The following CHAF1A variants were observed in gnomAD, a reference collection of about 807,000 sequenced individuals.
CHAF1A encodes chromatin assembly factor 1 subunit A.
In CHAF1A, 5 loss-of-function variants were observed where a neutral mutation model predicts 93.2. That is an observed-to-expected ratio of 0.05 (90% CI 0.03 to 0.11). The LOEUF is 0.11. Among genes scored for constraint, CHAF1A ranks in the 10% least tolerant of loss-of-function variants. The pLI is 1.00. For missense variants in CHAF1A, 1,102 were observed against 1,259.9 expected, an observed-to-expected ratio of 0.87 and a Z score of 1.90; for synonymous variants, 504 against 510.3, an observed-to-expected ratio of 0.99 and a Z score of 0.17.
chr19:4,444,213 C>T (rs138019048), downstream of CHAF1A, among the ~76,000 whole-genome samples: 226 of 152,258 alleles, frequency 1.5e-3, 2 homozygotes, highest in African/African-American at 5.0e-3. Context: ...GTGCCGGGGG[C>T]GAGGGAGGGA....
At chr19:4,434,551 G>A (rs1368359655) in intron 13 of CHAF1A, among the ~76,000 whole-genome samples, 2 of 152,220 alleles carry the variant, frequency 1.3e-5, no homozygotes, top group East Asian at 1.9e-4. Flanking sequence ...CTCTATCTCC[G>A]TGGATCAGCC....
chr19:4,445,295 T>G, downstream of CHAF1A: 1 of 822,424 alleles, frequency 1.2e-6, no homozygotes, highest in Non-Finnish European at 1.9e-6. Flanking sequence ...CCTCGGGGGC[T>G]TGGGCGCATC....
At chr19:4,428,517 T>C (rs1002652903) in intron 7 of CHAF1A, 147 bp from the exon 8 acceptor site, 21 of 676,092 alleles carry the variant, frequency 3.1e-5, no homozygotes, top group Non-Finnish European at 5.0e-5. Context: ...GAAACTCGGC[T>C]CTGTGGACCC....
intron 3 of CHAF1A, among the ~76,000 whole-genome samples, chr19:4,410,828 G>A (rs544526173): frequency 2.0e-5 from 3 of 152,196 alleles, no homozygotes; most frequent in Non-Finnish European, 4.4e-5. Context: ...TCCAGCCTGG[G>A]TGACAGAGCG....
chr19:4,446,680 A>G (rs765042064), downstream of CHAF1A: 3 of 1,611,706 alleles, frequency 1.9e-6, no homozygotes, highest in East Asian at 2.2e-5. Flanking sequence ...GGGCTGGGCC[A>G]AGGTGGTCTC....
chr19:4,432,110 G>A lies in CHAF1A; in HGVS notation c.2106G>A (p.Lys702=). Residue 702 remains lysine, a synonymous_variant, in exon 12 of 15, where the codon AAG becomes AAA. Coordinates refer to ENST00000301280, the MANE Select transcript of CHAF1A (RefSeq NM_005483.3). The part of the protein sequence containing the change: ...ADRDCAGDDL[K]VLQQFAACFL... Reference sequence around the variant, plus strand: ...GAGACTGCGCAGGCGATGACCTGAAGGTACTGCAGCAGTTCGCAGCCTGCT... The same window carrying A: ...GAGACTGCGCAGGCGATGACCTGAAAGTACTGCAGCAGTTCGCAGCCTGCT... 3.1e-6 allele frequency: 5 copies of A among 1,613,938 alleles called. No individual in the cohort carries two copies. The highest frequency in any genetic ancestry group is 2.5e-6 in the Non-Finnish European group (3 of 1,180,012).
At chr19:4,427,802 G>T (rs906902624) in intron 7 of CHAF1A, among the ~76,000 whole-genome samples, 1 of 152,200 alleles carries the variant, frequency 6.6e-6, no homozygotes, top group Non-Finnish European at 1.5e-5. Context: ...TGCCCAGGCT[G>T]GTCTCGAACT....
intron 7 of CHAF1A, 44 bp from the exon 8 acceptor site, chr19:4,428,620 C>A: frequency 1.3e-6 from 2 of 1,542,644 alleles, no homozygotes; most frequent in Non-Finnish European, 1.8e-6. Context: ...TGCCTCCTTT[C>A]TCCCATTGCT....
At chr19:4,439,000 G>T (rs1974338149) in intron 13 of CHAF1A, among the ~76,000 whole-genome samples, 1 of 151,326 alleles carries the variant, frequency 6.6e-6, no homozygotes, top group Non-Finnish European at 1.5e-5. Flanking sequence ...AGCATAGATG[G>T]CTGGGTGCAG....
chr19:4,427,078 G>A (rs868693983), intron 7 of CHAF1A, among the ~76,000 whole-genome samples: 35 of 138,036 alleles, frequency 2.5e-4, no homozygotes, highest in Admixed American at 8.3e-4. Flanking sequence ...GCAATGAAGC[G>A]AGACTCCATC....
At chr19:4,414,450 T>A (rs769604645) in intron 3 of CHAF1A, among the ~76,000 whole-genome samples, 3 of 152,000 alleles carry the variant, frequency 2.0e-5, no homozygotes, top group Non-Finnish European at 4.4e-5. Context: ...AGCCCTCTGT[T>A]CTCCCAGGAG....
At chr19:4,444,267 C>T (rs1020161997), downstream of CHAF1A, among the ~76,000 whole-genome samples, 4 of 152,168 alleles carry the variant, frequency 2.6e-5, no homozygotes, top group African/African-American at 9.7e-5. Context: ...CGGGCACCTC[C>T]CCCAGGTGCA....
intron 3 of CHAF1A, among the ~76,000 whole-genome samples, chr19:4,417,457 CTTT>C (rs397768061): frequency 1.4e-4 from 14 of 103,090 alleles, no homozygotes; most frequent in South Asian, 4.0e-4. Context: ...CCAGCTGTCG[CTTT>C]TTTTTTTTTT....
intron 2 of CHAF1A, among the ~76,000 whole-genome samples, chr19:4,406,388 C>T (rs919917135): frequency 2.6e-5 from 4 of 151,742 alleles, no homozygotes; most frequent in Non-Finnish European, 5.9e-5. Flanking sequence ...CTGCATAAAA[C>T]GGGGAGTGTG....
downstream of CHAF1A, chr19:4,445,914 G>C (rs1053439955): frequency 7.1e-7 from 1 of 1,399,034 alleles, no homozygotes; most frequent in East Asian, 2.3e-5. Flanking sequence ...TGGGAAAGCA[G>C]GATTCAAACC....
intron 13 of CHAF1A, among the ~76,000 whole-genome samples, chr19:4,435,087 C>CA (rs1432020042): frequency 1.5e-4 from 13 of 87,966 alleles, no homozygotes; most frequent in Non-Finnish European, 1.4e-4. Context: ...CTTTTTTTTC[C>CA]TTTTTTTTTT....
At chr19:4,427,822 A>G (rs1974112440) in intron 7 of CHAF1A, among the ~76,000 whole-genome samples, 1 of 152,194 alleles carries the variant, frequency 6.6e-6, no homozygotes, top group African/African-American at 2.4e-5. Flanking sequence ...TCCTGAGCTC[A>G]GACAATCCAC....
chr19:4,443,388 C>G lies in CHAF1A; in HGVS notation c.*363C>G, dbSNP rs1431282612. 1 of 264,602 alleles carries G rather than the reference C, an allele frequency of 3.8e-6. No individual in the cohort carries two copies. Among genetic ancestry groups the G allele is most frequent in the Non-Finnish European group, 7.4e-6 (1 of 135,458 alleles). The allele number at this position is 264,602 out of a possible 1,614,324, so 16.4% of individuals were successfully genotyped here. ...ACGAGGCAGTGTATAAACTTATTCT[C>G]TAGCCCTGAGCTGCTCTGTCTGTCT... On this transcript the variant is annotated 3_prime_UTR_variant, in exon 15 of 15. Transcript: ENST00000301280.
chr19:4,448,279 C>A (rs894203541), downstream of CHAF1A: 2 of 1,545,188 alleles, frequency 1.3e-6, no homozygotes, highest in Non-Finnish European at 1.8e-6. Context: ...CTGGGATGAG[C>A]TGGAGGGGCC....
Sources: allele counts gnomAD v4.1 joint callset (sites outside exome capture counted in the v4.1 genomes callset), GRCh38; gene constraint gnomAD v4.1.1; transcripts MANE v1.5; gene names NCBI Gene and HGNC (gene_info 2026-07-23, HGNC 2026-07-21).